KRT13: variants seen among roughly 807,000 people sequenced by gnomAD.
KRT13 encodes keratin, type I cytoskeletal 13.
Under a neutral mutation model 40.6 loss-of-function variants are expected in KRT13, and 27 were observed. That is an observed-to-expected ratio of 0.67 (90% CI 0.49 to 0.92). The LOEUF (loss-of-function observed/expected upper bound fraction) is 0.92. Ranked by LOEUF, KRT13 falls within the 40% of genes least tolerant of loss-of-function variation. The probability of loss-of-function intolerance (pLI) is 0.00; values close to 1 mark genes in which losing one functional copy is unlikely to be tolerated. For missense variants in KRT13, 605 were observed against 611.5 expected, an observed-to-expected ratio of 0.99 and a Z score of 0.11; for synonymous variants, 266 against 240.3, an observed-to-expected ratio of 1.11 and a Z score of -0.99.
rs1370170590 is a variant in KRT13 at position 41,503,725 on chromosome 17, T to A, written c.496A>T (p.Ile166Phe). The A allele has an allele frequency of 3.1e-6, 5 of 1,613,896 alleles. No individual in the cohort carries two copies. The highest frequency in any genetic ancestry group is 4.2e-6 in the Non-Finnish European group (5 of 1,179,850). Residue 166 changes from isoleucine to phenylalanine, a missense_variant and splice_region_variant, in exon 2 of 8, where the codon ATC (isoleucine) becomes TTC (phenylalanine). Coordinates refer to ENST00000246635, the MANE Select transcript of KRT13 (RefSeq NM_153490.3). ...YKTIEELRDK[I>F]LTATIENNRV... ...TTGTTTTCAATGGTGGCGGTCAGGA[T>A]CTACAAAATGCAGAAGAAGGTAACC... is the stretch of plus-strand genomic sequence containing the variant.
chr17:41,502,284 A>C, intron 6 of KRT13, 90 bp downstream of exon 6: 1 of 1,611,432 alleles, frequency 6.2e-7, no homozygotes, highest in Non-Finnish European at 8.5e-7. Flanking sequence ...CCTCTCTGAC[A>C]TGAGGGGGTG....
In KRT13 at chr17:41,505,260, G is replaced by T; in HGVS notation, c.291C>A (p.Gly97=). 1 of 1,614,084 alleles carries T rather than the reference G, an allele frequency of 6.2e-7. No homozygotes were observed. The highest frequency in any genetic ancestry group is 8.5e-7 in the Non-Finnish European group (1 of 1,180,014). The change falls in exon 1 of 8, where the codon GGC becomes GGA. Residue 97 remains glycine, a synonymous_variant. Coordinates refer to ENST00000246635, the MANE Select transcript of KRT13 (RefSeq NM_153490.3). ...TCTTCTCATTGCCAGTGAGGAGGCC[G>T]CCATCACAAGCACCAAAGTCAACAA... ...GGFVDFGACD[G]GLLTGNEKIT... is the part of the protein sequence containing the mutation.
In KRT13 at chr17:41,505,588, T is replaced by C; in HGVS notation, c.-38A>G. On this transcript the variant is annotated 5_prime_UTR_variant, in exon 1 of 8. Transcript: ENST00000246635. ...ATTGAGAGCAGGTGCAGATAGAAGCTTGCTTGGCCTGGGCCGAGGACTGTG... is the reference window on the plus strand; with the variant it reads ...ATTGAGAGCAGGTGCAGATAGAAGCCTGCTTGGCCTGGGCCGAGGACTGTG... 3 of 1,613,144 alleles carry C rather than the reference T, an allele frequency of 1.9e-6. No homozygotes were observed. Among genetic ancestry groups the C allele is most frequent in the Non-Finnish European group, 2.5e-6 (3 of 1,180,000 alleles).
At position 41,500,993 on chromosome 17, in the gene KRT13, A is replaced by G. The variant is rs534528851; in HGVS notation, c.*263T>C. 2.7e-6 allele frequency: 1 copy of G among 373,078 alleles called. No homozygotes were observed. Among genetic ancestry groups the G allele is most frequent in the African/African-American group, 2.1e-5 (1 of 47,874 alleles). The allele number at this position is 373,078 out of a possible 1,614,324, so 23.1% of individuals were successfully genotyped here. A position where few individuals can be genotyped will look rare whatever the true frequency, so the allele number is the denominator to read the frequency against. Reference sequence around the variant, plus strand: ...CCAGAATCAAAAATATGTTTGCAGAAAGGCAGGAAACTTTATTGAATAATC... The same window carrying G: ...CCAGAATCAAAAATATGTTTGCAGAGAGGCAGGAAACTTTATTGAATAATC... On this transcript the variant is annotated 3_prime_UTR_variant, in exon 8 of 8. Coordinates refer to ENST00000246635, the MANE Select transcript of KRT13 (RefSeq NM_153490.3).
intron 7 of KRT13, 115 bp from the exon 8 acceptor site, chr17:41,501,477 G>A: frequency 1.9e-6 from 2 of 1,074,694 alleles, no homozygotes; most frequent in Middle Eastern, 2.0e-4. Context: ...CGTGGATGGA[G>A]ACTCTTTATT....
In KRT13 at chr17:41,505,304, C is replaced by T; in HGVS notation, c.247G>A (p.Gly83Arg). The T allele has an allele frequency of 6.2e-7, 1 of 1,614,154 alleles. No homozygotes were observed. The highest frequency in any genetic ancestry group is 1.1e-5 in the South Asian group (1 of 91,084). Reference protein sequence around the residue: ...YGGGLGGGFGGGFAGGFVDFG... With the variant: ...YGGGLGGGFGRGFAGGFVDFG... ...TCAACAAAGCCACCAGCAAAACCCC[C>T]ACCAAAGCCACCTCCAAGGCCACCT... The change falls in exon 1 of 8, where the codon GGG becomes AGG. Residue 83 changes from glycine (G) to arginine (R), a missense_variant. Physicochemically the swap from Gly to Arg is moderately radical, Grantham distance 125. Coordinates refer to ENST00000246635, the MANE Select transcript of KRT13 (RefSeq NM_153490.3).
Position 41,502,926 on chromosome 17 carries a change from G to A in KRT13, c.897+11C>T, listed in dbSNP as rs367953709. The A allele has an allele frequency of 1.4e-5, 22 of 1,614,086 alleles. No homozygotes were observed. In the African/African-American group the frequency reaches 2.3e-4, roughly 17 times the overall value. On this transcript the variant is annotated intron_variant, in intron 4 of 7. Coordinates refer to ENST00000246635, the MANE Select transcript of KRT13 (RefSeq NM_153490.3). ...ATGGGATGGGCTATGTGGGGTGGGA[G>A]GGCCGGGTACCTTGGTGTGGAACCA...
chr17:41,503,021 G>T lies in KRT13; in HGVS notation c.813C>A (p.Thr271=). 6.2e-7 allele frequency: 1 copy of T among 1,614,202 alleles called. No homozygotes were observed. Among genetic ancestry groups the T allele is most frequent in the East Asian group, 2.2e-5 (1 of 44,876 alleles). ...GCTCCCTCATCTCTGCCAGCACGCG[G>T]GTCAGGTCAATGCCTGGGGTGGCAT... ...EMDATPGIDL[T]RVLAEMREQY... is the part of the protein sequence containing the mutation. Residue 271 remains threonine (T), a synonymous_variant, in exon 4 of 8, where the codon ACC becomes ACA. Transcript: ENST00000246635.
chr17:41,502,503 G>A lies in KRT13; in HGVS notation c.1115C>T (p.Ala372Val). The stretch of plus-strand genomic sequence containing the variant: ...CTCACTGCGGAGCTCGCTCAGCTGG[G>A]CCTCGATGCTGCTGATGAGTCCCTG... ...QIQGLISSIE[A>V]QLSELRSEME... The change falls in exon 6 of 8, where the codon GCC becomes GTC. Residue 372 changes from alanine to valine, a missense_variant. Coordinates refer to ENST00000246635, the MANE Select transcript of KRT13 (RefSeq NM_153490.3). 6.2e-7 allele frequency: 1 copy of A among 1,614,104 alleles called. No homozygotes were observed. The highest frequency in any genetic ancestry group is 1.1e-5 in the South Asian group (1 of 91,092).
chr17:41,502,996 G>T lies in KRT13; in HGVS notation c.838C>A (p.Gln280Lys), dbSNP rs745756968. ...LTRVLAEMRE[Q>K]YEAMAERNRR... ...TTCCTCTCTGCCATGGCCTCGTACTGCTCCCTCATCTCTGCCAGCACGCGG... is the reference window on the plus strand; with the variant it reads ...TTCCTCTCTGCCATGGCCTCGTACTTCTCCCTCATCTCTGCCAGCACGCGG... The change falls in exon 4 of 8, where the codon CAG (glutamine) becomes AAG (lysine). Residue 280 changes from glutamine to lysine, a missense_variant. By Grantham distance (53) the Gln-to-Lys change is moderately conservative. Coordinates refer to ENST00000246635, the MANE Select transcript of KRT13 (RefSeq NM_153490.3). The T allele has an allele frequency of 2.5e-6, 4 of 1,614,188 alleles. No homozygotes were observed. The highest frequency in any genetic ancestry group is 2.5e-6 in the Non-Finnish European group (3 of 1,180,032).
chr17:41,504,373 G>C, intron 1 of KRT13: 1 of 157,354 alleles, frequency 6.4e-6, no homozygotes, highest in Admixed American at 6.1e-5. Flanking sequence ...CTTTGCTAGA[G>C]CTGACTTCCC....
chr17:41,502,123 T>A (rs1263557253), intron 6 of KRT13: 2 of 1,433,954 alleles, frequency 1.4e-6, no homozygotes, highest in African/African-American at 2.9e-5. Context: ...CTGAGCTGTA[T>A]CCAAGCTCAT....
In KRT13 at chr17:41,505,242, A is replaced by G. The variant is rs1352207395; in HGVS notation, c.309T>C (p.Asn103=). The change falls in exon 1 of 8, where the codon AAT becomes AAC. Residue 103 remains asparagine (N), a synonymous_variant. Transcript: ENST00000246635. ...GACDGGLLTG[N]EKITMQNLND... ...TGAGGTTCTGCATGGTGATCTTCTC[A>G]TTGCCAGTGAGGAGGCCGCCATCAC... The G allele has an allele frequency of 6.2e-7, 1 of 1,614,122 alleles. No homozygotes were observed. Among genetic ancestry groups the G allele is most frequent in the South Asian group, 1.1e-5 (1 of 91,080 alleles).
At chr17:41,504,776 A>T (rs1027368868) in intron 1 of KRT13, among the ~76,000 whole-genome samples, 2 of 152,220 alleles carry the variant, frequency 1.3e-5, no homozygotes, top group African/African-American at 4.8e-5. Context: ...AGGATTATAG[A>T]GATCGAGTCA....
At chr17:41,503,562 C>T in intron 2 of KRT13, 81 bp downstream of exon 2, 3 of 1,528,460 alleles carry the variant, frequency 2.0e-6, no homozygotes, top group Non-Finnish European at 2.7e-6. Context: ...TGGGATGCTC[C>T]AGTGTCATTG....
At chr17:41,503,960 C>A in intron 1 of KRT13, 1 of 511,718 alleles carries the variant, frequency 2.0e-6, no homozygotes, top group Non-Finnish European at 3.5e-6. Flanking sequence ...GGGCCACATG[C>A]AGCCCACCGG....
intron 1 of KRT13, chr17:41,503,981 G>A (rs1275860013): frequency 2.1e-6 from 1 of 482,090 alleles, no homozygotes; most frequent in Non-Finnish European, 3.8e-6. Flanking sequence ...CCACAGGTTA[G>A]ACAAGCTTGC....
At position 41,505,436 on chromosome 17, in the gene KRT13, C is replaced by T. The variant is rs1321449627; in HGVS notation, c.115G>A (p.Gly39Arg). The T allele has an allele frequency of 8.1e-6, 13 of 1,613,642 alleles. No homozygotes were observed. Among genetic ancestry groups the T allele is most frequent in the African/African-American group, 4.0e-5 (3 of 74,928 alleles). The change falls in exon 1 of 8, where the codon GGG becomes AGG. Residue 39 changes from glycine to arginine, a missense_variant. By Grantham distance (125) the Gly-to-Arg change is moderately radical. Coordinates refer to ENST00000246635, the MANE Select transcript of KRT13 (RefSeq NM_153490.3). ...VSTCSTRFVS[G>R]GSAGGYGGGV... is the part of the protein sequence containing the mutation. Reference sequence around the variant, plus strand: ...CCTCCATAGCCCCCAGCTGATCCCCCGGACACAAACCGAGTTGAACAGGTA... The same window carrying T: ...CCTCCATAGCCCCCAGCTGATCCCCTGGACACAAACCGAGTTGAACAGGTA...
Position 41,503,311 on chromosome 17 carries a change from G to C in KRT13, c.711C>G (p.Ala237=). Residue 237 remains alanine (A), a synonymous_variant, in exon 3 of 8, where the codon GCC becomes GCG. Transcript: ENST00000246635. ...MQIESLNEEL[A]YMKKNHEEEM... is the part of the protein sequence containing the mutation. ...CCTCTTCATGGTTCTTCTTCATGTA[G>C]GCTAGCTCTTCATTCAGGCTCTCGA... 2.5e-6 allele frequency: 4 copies of C among 1,614,200 alleles called. No individual in the cohort carries two copies. Among genetic ancestry groups the C allele is most frequent in the Non-Finnish European group, 2.5e-6 (3 of 1,180,034 alleles).
Sources: allele counts gnomAD v4.1 joint callset (sites outside exome capture counted in the v4.1 genomes callset), GRCh38; gene constraint gnomAD v4.1.1; transcripts MANE v1.5; gene names NCBI Gene and HGNC (gene_info 2026-07-23, HGNC 2026-07-21).